The following LYSMD4 variants were observed in gnomAD, a reference collection of about 807,000 sequenced individuals.
The protein encoded by LYSMD4 is LysM domain containing 4, also known as lysM and putative peptidoglycan-binding domain-containing protein 4.
Under a neutral mutation model 6.1 loss-of-function variants are expected in LYSMD4, and 9 were observed. The ratio of observed to expected loss-of-function variants is 1.47; its 90% CI spans 0.88 to 2.56. The LOEUF is 2.56. LYSMD4 is among the 30% of genes most tolerant of loss of function. The pLI, the probability that LYSMD4 is intolerant of heterozygous loss-of-function variation, is 0.00. For synonymous variants in LYSMD4, 143 were observed against 148.5 expected (o/e 0.96, Z 0.27); for missense variants, 384 against 373.5 (o/e 1.03, Z -0.23).
At position 99,733,378 on chromosome 15, in the gene LYSMD4, G is replaced by GGCGACTC. The variant is rs999052912; in HGVS notation, c.-49_-43dup. 2.5e-5 allele frequency: 10 copies of GGCGACTC among 395,212 alleles called. No homozygotes were observed. The highest frequency in any genetic ancestry group is 4.5e-5 in the Non-Finnish European group (10 of 223,932). The allele number at this position is 395,212 out of a possible 1,614,324, so 24.5% of individuals were successfully genotyped here. On this transcript the variant is annotated 5_prime_UTR_variant, in exon 1 of 3. Coordinates refer to ENST00000684762, the MANE Select transcript of LYSMD4 (RefSeq NM_001284417.2). ...CCAGGCTCCGCCGCGACCGGCGACC[G>GGCGACTC]GCGACTCGCGACCCGCGACCCGCGA...
intron 2 of LYSMD4, among the ~76,000 whole-genome samples, 183 bp from the exon 3 acceptor site, chr15:99,729,914 C>T (rs2059363029): frequency 6.6e-6 from 1 of 152,154 alleles, no homozygotes; most frequent in African/African-American, 2.4e-5. Context: ...GTTTTTTTGG[C>T]TTTCACTCAA....
At position 99,727,742 on chromosome 15, in the gene LYSMD4, G is replaced by A. The variant is rs74721206; in HGVS notation, c.*1381C>T. Reference sequence around the variant, plus strand: ...TCACACAACTGAAAGGAGAGAAATCGGAAATCACTCTTACATGGTGAGACC... The same window carrying A: ...TCACACAACTGAAAGGAGAGAAATCAGAAATCACTCTTACATGGTGAGACC... On this transcript the variant is annotated 3_prime_UTR_variant, in exon 3 of 3. Coordinates refer to ENST00000684762, the MANE Select transcript of LYSMD4 (RefSeq NM_001284417.2). 4.6e-5 allele frequency: 7 copies of A among 152,216 alleles called. No individual in the cohort carries two copies. The highest frequency in any genetic ancestry group is 1.2e-4 in the African/African-American group (5 of 41,450). 9.4% of individuals were successfully genotyped at this position (152,216 alleles called of 1,614,324 possible).
upstream of LYSMD4, among the ~76,000 whole-genome samples, chr15:99,719,413 G>C (rs2059221603): frequency 6.6e-6 from 1 of 152,090 alleles, no homozygotes; most frequent in Non-Finnish European, 1.5e-5. Context: ...GCTCAGAAAA[G>C]CATTCTCTCT....
chr15:99,722,650 C>A (rs2059245993), downstream of LYSMD4, among the ~76,000 whole-genome samples: 1 of 152,150 alleles, frequency 6.6e-6, no homozygotes, highest in African/African-American at 2.4e-5. Flanking sequence ...CAAATATCCT[C>A]CATGTGTCAG....
chr15:99,722,317 G>C (rs1472801738), upstream of LYSMD4, among the ~76,000 whole-genome samples: 1 of 152,164 alleles, frequency 6.6e-6, no homozygotes, highest in Non-Finnish European at 1.5e-5. Context: ...CTTGCCCCGG[G>C]AGCAGGGCCG....
At chr15:99,725,345 G>A (rs931541974), downstream of LYSMD4, among the ~76,000 whole-genome samples, 2 of 152,130 alleles carry the variant, frequency 1.3e-5, no homozygotes, top group African/African-American at 4.8e-5. Context: ...TAGATCATGT[G>A]TCTGCCCTTT....
At chr15:99,723,741 G>A (rs1434314783), downstream of LYSMD4, among the ~76,000 whole-genome samples, 1 of 152,196 alleles carries the variant, frequency 6.6e-6, no homozygotes, top group Non-Finnish European at 1.5e-5. Context: ...TGCATCGCCT[G>A]TATCAATTAA....
At position 99,728,766 on chromosome 15, in the gene LYSMD4, C is replaced by A; in HGVS notation, c.*357G>T. 3.7e-6 allele frequency: 1 copy of A among 269,124 alleles called. No homozygotes were observed. The highest frequency in any genetic ancestry group is 7.3e-6 in the Non-Finnish European group (1 of 137,118). 16.7% of individuals were successfully genotyped at this position (269,124 alleles called of 1,614,324 possible). ...GCAAGCCGCGCAGATGCCACTGGCT[C>A]TCACGCTGCAGGTCCCTCGACAGAG... is the stretch of plus-strand genomic sequence containing the variant. On this transcript the variant is annotated 3_prime_UTR_variant, in exon 3 of 3. Coordinates refer to ENST00000684762, the MANE Select transcript of LYSMD4 (RefSeq NM_001284417.2).
At chr15:99,715,967 A>C (rs1428216430) in exon 1 of LYSMD4, 1 of 153,476 alleles carries the variant, frequency 6.5e-6, no homozygotes, top group African/African-American at 2.4e-5. Context: ...AACTAGAAGG[A>C]TAACTAGTAA....
upstream of LYSMD4, among the ~76,000 whole-genome samples, chr15:99,719,033 G>A (rs915991600): frequency 1.3e-5 from 2 of 152,140 alleles, no homozygotes; most frequent in African/African-American, 4.8e-5. Context: ...TCCTGTGGTG[G>A]GGAACCCAGC....
chr15:99,718,721 C>T (rs982999403), upstream of LYSMD4, among the ~76,000 whole-genome samples: 4 of 152,204 alleles, frequency 2.6e-5, no homozygotes, highest in Non-Finnish European at 5.9e-5. Flanking sequence ...TCCTTTCTGG[C>T]ACCACAGGTG....
downstream of LYSMD4, among the ~76,000 whole-genome samples, chr15:99,725,284 T>C (rs531287669): frequency 6.6e-6 from 1 of 152,316 alleles, no homozygotes; most frequent in East Asian, 1.9e-4. Flanking sequence ...GTATTTCCAT[T>C]ATCTCAAGTA....
rs757358238 is a variant in LYSMD4, at chr15:99,716,684, C to T, written c.114G>A (p.Pro38=). The T allele has an allele frequency of 2.4e-5, 11 of 456,672 alleles. No individual in the cohort carries two copies. The East Asian group carries it at 6.2e-4, about 26-fold the overall frequency. 28.3% of individuals were successfully genotyped at this position (456,672 alleles called of 1,614,324 possible). Residue 38 remains proline (P), a synonymous_variant, in exon 1 of 1, where the codon CCG becomes CCA. Coordinates refer to the LYSMD4 transcript ENST00000378904. ...CACTGGCCTCCCCCTTGTCGGCTCC[C>T]GGGTCATCCCTGCTGGGCAGCCCTG...
chr15:99,725,772 T>C (rs2059274473), downstream of LYSMD4, among the ~76,000 whole-genome samples: 1 of 152,168 alleles, frequency 6.6e-6, no homozygotes, highest in Non-Finnish European at 1.5e-5. Flanking sequence ...GCATCCCCCA[T>C]GTTCTGTGAG....
intron 2 of LYSMD4, 49 bp downstream of exon 2, chr15:99,731,669 C>T (rs1432636886): frequency 6.5e-7 from 1 of 1,534,714 alleles, no homozygotes; most frequent in Admixed American, 2.0e-5. Flanking sequence ...AGTGAGTTCC[C>T]CGTGTTCCTT....
chr15:99,718,215 A>G (rs1215897126), upstream of LYSMD4, among the ~76,000 whole-genome samples: 1 of 151,982 alleles, frequency 6.6e-6, no homozygotes. Context: ...CTCGGTGTGG[A>G]TGTGTCTAAT....
In LYSMD4 at chr15:99,729,313, A is replaced by G. The variant is rs775970675; in HGVS notation, c.701T>C (p.Val234Ala). ...IMLLIGIVLPVFYLVYFKIQA... is the reference protein window; with the variant it reads ...IMLLIGIVLPAFYLVYFKIQA... Reference sequence around the variant, plus strand: ...TATTTTAAAGTAGACCAAATAAAAGACAGGCAAGACAATACCAATCAGCAG... The same window carrying G: ...TATTTTAAAGTAGACCAAATAAAAGGCAGGCAAGACAATACCAATCAGCAG... The change falls in exon 3 of 3, where the codon GTC becomes GCC. Residue 234 changes from valine to alanine, a missense_variant. Val to Ala is a moderately conservative substitution (Grantham distance 64). Transcript: ENST00000684762. The G allele has an allele frequency of 1.9e-6, 3 of 1,614,220 alleles. No individual in the cohort carries two copies. The highest frequency in any genetic ancestry group is 2.5e-6 in the Non-Finnish European group (3 of 1,180,040).
chr15:99,725,087 C>T (rs1457087418), downstream of LYSMD4, among the ~76,000 whole-genome samples: 1 of 152,180 alleles, frequency 6.6e-6, no homozygotes, highest in African/African-American at 2.4e-5. Flanking sequence ...AGACCTGTCC[C>T]AAGGCCTTAA....
At chr15:99,731,070 C>CATAGCTTATTGTATGG in intron 2 of LYSMD4, 2 of 1,048,928 alleles carry the variant, frequency 1.9e-6, no homozygotes, top group South Asian at 2.7e-5. Context: ...AGCTTATATA[C>CATAGCTTATTGTATGG]CCCTAGAGAA....
Sources: gnomAD v4.1 joint callset for allele counts (sites outside exome capture counted in the v4.1 genomes callset) on GRCh38, gnomAD v4.1.1 for gene constraint, MANE v1.5 for transcripts, NCBI Gene and HGNC (gene_info 2026-07-23, HGNC 2026-07-21) for gene names.